OSBP2: variants seen among roughly 807,000 people sequenced by gnomAD.
OSBP2 encodes oxysterol-binding protein 2.
A neutral mutation model predicts 96.0 loss-of-function variants in OSBP2; 66 were observed. The ratio of observed to expected loss-of-function variants is 0.69; its 90% CI spans 0.56 to 0.84. The LOEUF is 0.84. OSBP2 is among the 40% of genes least tolerant of loss of function. The pLI, the probability that OSBP2 is intolerant of heterozygous loss-of-function variation, is 0.00. For synonymous variants in OSBP2, 525 were observed against 520.9 expected (o/e 1.01, Z -0.11); for missense variants, 1,038 against 1,222.7 (o/e 0.85, Z 2.25).
At chr22:30,831,666 TG>T (rs1360066325) in intron 2 of OSBP2, among the ~76,000 whole-genome samples, 3 of 152,076 alleles carry the variant, frequency 2.0e-5, no homozygotes, top group Non-Finnish European at 4.4e-5. Context: ...CCTTCTGAAT[TG>T]GGGGTGATGC....
At chr22:30,782,125 G>A (rs760115743) in intron 2 of OSBP2, among the ~76,000 whole-genome samples, 26 of 152,124 alleles carry the variant, frequency 1.7e-4, no homozygotes, top group Non-Finnish European at 2.5e-4. Context: ...CAGCCACGGC[G>A]GCAGAGTGAG....
chr22:30,836,115 G>C (rs764876935), intron 2 of OSBP2, among the ~76,000 whole-genome samples: 1 of 152,166 alleles, frequency 6.6e-6, no homozygotes, highest in Non-Finnish European at 1.5e-5. Context: ...CACTTCTGAT[G>C]ACTGTCAGAG....
At chr22:30,803,994 C>G (rs1005520889) in intron 2 of OSBP2, among the ~76,000 whole-genome samples, 1 of 152,196 alleles carries the variant, frequency 6.6e-6, no homozygotes, top group East Asian at 1.9e-4. Context: ...ACAGCTGCCC[C>G]CCTTCTGCCT....
At chr22:30,820,062 C>T (rs2091129458) in intron 2 of OSBP2, among the ~76,000 whole-genome samples, 2 of 152,176 alleles carry the variant, frequency 1.3e-5, no homozygotes, top group Non-Finnish European at 2.9e-5. Context: ...CTGTATGTTT[C>T]TGAACGTTTC....
chr22:30,698,479 G>A (rs961110406), intron 1 of OSBP2, among the ~76,000 whole-genome samples: 10 of 147,330 alleles, frequency 6.8e-5, no homozygotes, highest in Non-Finnish European at 3.0e-5. Context: ...TTGCTCTGTC[G>A]CCAGGCTGGA....
At chr22:30,727,775 C>T (rs539360117) in intron 1 of OSBP2, among the ~76,000 whole-genome samples, 3 of 152,146 alleles carry the variant, frequency 2.0e-5, no homozygotes, top group South Asian at 4.2e-4. Context: ...ATAAAATGAA[C>T]ACCCTGAAAA....
rs572967674 is a variant in OSBP2, at chr22:30,748,791, A to G, written c.853+7422A>G. ...CAGAGTAGGGCATCCTCAGAAAGCA[A>G]AAGGAGCAATGTGCTAGCAGGTTGT... On this transcript the variant is annotated intron_variant, in intron 2 of 13. Coordinates refer to ENST00000332585, the MANE Select transcript of OSBP2 (RefSeq NM_030758.4). Among the ~76,000 whole-genome samples the G allele has an allele frequency of 2.0e-5, 3 of 152,328 alleles. No individual in the cohort carries two copies. The East Asian group carries it at 5.8e-4, about 29-fold the overall frequency.
At chr22:30,822,765 G>A (rs959109811) in intron 2 of OSBP2, 19 of 1,419,848 alleles carry the variant, frequency 1.3e-5, no homozygotes, top group Non-Finnish European at 1.8e-5. Flanking sequence ...GCGCATGCAC[G>A]CCCGGTGCCT....
In OSBP2 at chr22:30,905,951, G is replaced by A. The variant is rs771633684; in HGVS notation, c.2490G>A (p.Glu830=). ...SRLRPDQRLM[E]KGRWDEANTE... Reference sequence around the variant, plus strand: ...TGCGGCCCGACCAGCGGCTGATGGAGAAGGGCCGTTGGGACGAGGCCAATA... The same window carrying A: ...TGCGGCCCGACCAGCGGCTGATGGAAAAGGGCCGTTGGGACGAGGCCAATA... The change falls in exon 13 of 14, where the codon GAG becomes GAA. Residue 830 remains glutamate (E), a synonymous_variant. Transcript: ENST00000332585. 3.1e-6 allele frequency: 5 copies of A among 1,612,044 alleles called. No homozygotes were observed. The highest frequency in any genetic ancestry group is 4.2e-6 in the Non-Finnish European group (5 of 1,179,404).
chr22:30,771,587 C>T (rs1569116606), intron 2 of OSBP2, among the ~76,000 whole-genome samples: 2 of 152,194 alleles, frequency 1.3e-5, no homozygotes, highest in African/African-American at 4.8e-5. Context: ...TCTGTAGGGG[C>T]CACCTGCCAG....
intron 1 of OSBP2, among the ~76,000 whole-genome samples, chr22:30,696,470 C>T (rs917375457): frequency 3.3e-5 from 5 of 152,114 alleles, no homozygotes; most frequent in African/African-American, 7.2e-5. Context: ...GCCTGAGATT[C>T]GGATTTTCTA....
rs1278829417 is a variant in OSBP2 at position 30,871,520 on chromosome 22, G to C, written c.1107+838G>C. On this transcript the variant is annotated intron_variant, in intron 3 of 13. Transcript: ENST00000332585. The surrounding 1 kb of genome is among the most constrained non-coding windows in gnomAD (Gnocchi z 4.7). ...GTAGGAGCTTGGGGTGGCCTGCTGG[G>C]AGTAAGGAGACCAGAGCAGAGGAGC... Among the ~76,000 whole-genome samples the C allele has an allele frequency of 1.3e-5, 2 of 152,190 alleles. No individual in the cohort carries two copies. The highest frequency in any genetic ancestry group is 2.9e-5 in the Non-Finnish European group (2 of 68,028).
At chr22:30,751,721 A>G (rs2090076142) in intron 2 of OSBP2, among the ~76,000 whole-genome samples, 1 of 152,140 alleles carries the variant, frequency 6.6e-6, no homozygotes, top group Non-Finnish European at 1.5e-5. Context: ...TCATCCGCCC[A>G]CAGCCGGTGG....
chr22:30,885,033 C>G lies in OSBP2; in HGVS notation c.1108-2393C>G, dbSNP rs550177994. On this transcript the variant is annotated intron_variant, in intron 3 of 13. Transcript: ENST00000332585. ...TGGGCACCAGGTGCCAGGGCAGATG[C>G]GGGAGGGGATCCATGAGGCACGTCT... Among the ~76,000 whole-genome samples the G allele has an allele frequency of 3.3e-5, 5 of 152,250 alleles. No homozygotes were observed. The East Asian group carries it at 5.8e-4, about 18-fold the overall frequency.
At chr22:30,762,192 A>C (rs915477724) in intron 2 of OSBP2, among the ~76,000 whole-genome samples, 21 of 152,170 alleles carry the variant, frequency 1.4e-4, no homozygotes, top group African/African-American at 4.8e-4. Flanking sequence ...ACTGCACTCC[A>C]GCCTGGGTGA....
At chr22:30,889,052 A>AAC (rs1368110075) in intron 5 of OSBP2, 125 bp from the exon 6 acceptor site, 1 of 765,638 alleles carries the variant, frequency 1.3e-6, no homozygotes, top group Non-Finnish European at 2.1e-6. Context: ...CTACACACAG[A>AAC]ACACACGGCA....
intron 2 of OSBP2, among the ~76,000 whole-genome samples, chr22:30,765,859 C>G (rs1276939912): frequency 3.3e-5 from 5 of 152,144 alleles, no homozygotes; most frequent in African/African-American, 1.2e-4. Flanking sequence ...GTGCTATACC[C>G]TTTCTTCATC....
chr22:30,887,684 T>C (rs1433004312), intron 4 of OSBP2, 66 bp downstream of exon 4: 1 of 1,356,030 alleles, frequency 7.4e-7, no homozygotes, highest in Non-Finnish European at 1.0e-6. Flanking sequence ...ATACACAACT[T>C]CTGCGCCCCC....
chr22:30,829,007 G>A (rs1157414390), intron 2 of OSBP2, among the ~76,000 whole-genome samples: 1 of 152,170 alleles, frequency 6.6e-6, no homozygotes, highest in Non-Finnish European at 1.5e-5. Flanking sequence ...CTGTGCGCTT[G>A]TGGCTGTTCA....
Sources: allele counts gnomAD v4.1 joint callset (sites outside exome capture counted in the v4.1 genomes callset), GRCh38; gene constraint gnomAD v4.1.1; non-coding constraint Gnocchi (gnomAD v3.1); transcripts MANE v1.5; gene names NCBI Gene and HGNC (gene_info 2026-07-23, HGNC 2026-07-21).